TLR4: variants seen among roughly 807,000 people sequenced by gnomAD.
TLR4 encodes the protein toll like receptor 4.
A neutral mutation model predicts 27.4 loss-of-function variants in TLR4; 17 were observed. The observed-to-expected ratio is 0.62, with a 90% CI of 0.42 to 0.93. The LOEUF (loss-of-function observed/expected upper bound fraction) is 0.93. Among genes scored for constraint, TLR4 ranks in the 40% least tolerant of loss-of-function variants. TLR4 has a pLI of 0.00. For missense variants in TLR4, 926 were observed against 962.3 expected, an observed-to-expected ratio of 0.96 and a Z score of 0.50; for synonymous variants, 363 against 365.7, an observed-to-expected ratio of 0.99 and a Z score of 0.08.
intron 2 of TLR4, 52 bp downstream of exon 2, chr9:117,708,781 T>C (rs542241853): frequency 1.2e-6 from 2 of 1,606,642 alleles, no homozygotes; most frequent in East Asian, 4.5e-5. Flanking sequence ...CATTGTCCTG[T>C]CATTTCATTA....
chr9:117,704,665 AGTT>A, intron 1 of TLR4, 100 bp downstream of exon 1: 11 of 975,670 alleles, frequency 1.1e-5, no homozygotes, highest in Non-Finnish European at 1.4e-5. Context: ...AAAAAAAAAG[AGTT>A]AAATTACCTT....
chr9:117,714,620 G>A lies in TLR4; in HGVS notation c.2492G>A (p.Cys831Tyr). 1.9e-6 allele frequency: 3 copies of A among 1,613,324 alleles called. No individual in the cohort carries two copies. Among genetic ancestry groups the A allele is most frequent in the South Asian group, 1.1e-5 (1 of 91,044 alleles). Reference protein sequence around the residue: ...WNPEGTVGTGCNWQEATSI With the variant: ...WNPEGTVGTGYNWQEATSI ...CCAGAAGGAACAGTGGGTACAGGAT[G>A]CAATTGGCAGGAAGCAACATCTATC... Residue 831 changes from cysteine to tyrosine, a missense_variant, in exon 3 of 3, where the codon TGC becomes TAC. Cys to Tyr is a radical substitution (Grantham distance 194). Transcript: ENST00000355622.
chr9:117,711,971 A>G (rs1472046190), intron 2 of TLR4, among the ~76,000 whole-genome samples: 1 of 152,088 alleles, frequency 6.6e-6, no homozygotes, highest in African/African-American at 2.4e-5. Flanking sequence ...TTGGCTACCA[A>G]CTAACAACTA....
At chr9:117,705,449 A>T (rs1829120895) in intron 1 of TLR4, among the ~76,000 whole-genome samples, 1 of 152,172 alleles carries the variant, frequency 6.6e-6, no homozygotes, top group Non-Finnish European at 1.5e-5. Flanking sequence ...CCTTCCCTCA[A>T]TTCCCTGCCC....
Position 117,712,279 on chromosome 9 carries a change from A to T in TLR4, c.261-110A>T. ...TTGATGTCTTTGCCTATGCACAATCATATGACCCATCACATCTGTATGAAG... is the reference window on the plus strand; with the variant it reads ...TTGATGTCTTTGCCTATGCACAATCTTATGACCCATCACATCTGTATGAAG... On this transcript the variant is annotated intron_variant, in intron 2 of 2. Coordinates refer to ENST00000355622, the MANE Select transcript of TLR4 (RefSeq NM_138554.5). 3 of 1,107,258 alleles carry T rather than the reference A, an allele frequency of 2.7e-6. No homozygotes were observed. In the South Asian group the frequency reaches 4.1e-5, roughly 15 times the overall value. The allele number at this position is 1,107,258 out of a possible 1,614,324, so 68.6% of individuals were successfully genotyped here.
At chr9:117,711,856 A>C (rs1348955716) in intron 2 of TLR4, among the ~76,000 whole-genome samples, 1 of 152,180 alleles carries the variant, frequency 6.6e-6, no homozygotes, top group Non-Finnish European at 1.5e-5. Context: ...GAACTTTCAA[A>C]TATCTAGCTG....
chr9:117,708,149 G>A (rs767001706), intron 1 of TLR4: 1 of 992,578 alleles, frequency 1.0e-6, no homozygotes, highest in Non-Finnish European at 1.2e-6. Flanking sequence ...ATAAAATGAG[G>A]CTCACTGAGG....
intron 1 of TLR4, 95 bp downstream of exon 1, chr9:117,704,660 A>T: frequency 9.3e-7 from 1 of 1,078,618 alleles, no homozygotes; most frequent in Admixed American, 2.0e-5. Context: ...GCAAAAAAAA[A>T]AAAGAGTTAA....
chr9:117,714,240 G>A lies in TLR4; in HGVS notation c.2112G>A (p.Gln704=), dbSNP rs201223342. ...KNLEEGVPPF[Q]LCLHYRDFIP... is the part of the protein sequence containing the mutation. ...TAGAAGAAGGGGTGCCTCCATTTCAGCTCTGCCTTCACTACAGAGACTTTA... is the reference window on the plus strand; with the variant it reads ...TAGAAGAAGGGGTGCCTCCATTTCAACTCTGCCTTCACTACAGAGACTTTA... The change falls in exon 3 of 3, where the codon CAG becomes CAA. Residue 704 remains glutamine (Q), a synonymous_variant. Coordinates refer to ENST00000355622, the MANE Select transcript of TLR4 (RefSeq NM_138554.5). The A allele has an allele frequency of 8.7e-6, 14 of 1,604,202 alleles. No homozygotes were observed. Among genetic ancestry groups the A allele is most frequent in the Non-Finnish European group, 1.2e-5 (14 of 1,172,134 alleles).
In TLR4 at chr9:117,713,815, G is replaced by C; in HGVS notation, c.1687G>C (p.Glu563Gln). 4 of 1,613,864 alleles carry C rather than the reference G, an allele frequency of 2.5e-6. No individual in the cohort carries two copies. The highest frequency in any genetic ancestry group is 3.4e-6 in the Non-Finnish European group (4 of 1,180,000). Residue 563 changes from glutamate (E) to glutamine (Q), a missense_variant, in exon 3 of 3, where the codon GAA becomes CAA. Physicochemically the swap from Glu to Gln is conservative, Grantham distance 29. Transcript: ENST00000355622. ...LNHIMTSKKQ[E>Q]LQHFPSSLAF... ...TCACATAATGACTTCCAAAAAACAGGAACTACAGCATTTTCCAAGTAGTCT... is the reference window on the plus strand; with the variant it reads ...TCACATAATGACTTCCAAAAAACAGCAACTACAGCATTTTCCAAGTAGTCT...
At chr9:117,704,650 G>T (rs1180915184) in intron 1 of TLR4, 85 bp downstream of exon 1, 3 of 1,057,740 alleles carry the variant, frequency 2.8e-6, no homozygotes, top group Admixed American at 3.0e-5. Context: ...GTTTATTTTT[G>T]CAAAAAAAAA....
Position 117,714,841 on chromosome 9 carries a change from T to C in TLR4, c.*193T>C, listed in dbSNP as rs981497533. ...AGAGGGAATAAATGCTAGACTAAAA[T>C]ACAGAGTCTTCCAGGTGGGCATTTC... On this transcript the variant is annotated 3_prime_UTR_variant, in exon 3 of 3. Transcript: ENST00000355622. The C allele has an allele frequency of 3.2e-6, 2 of 618,356 alleles. No homozygotes were observed. The highest frequency in any genetic ancestry group is 5.7e-6 in the Non-Finnish European group (2 of 350,044). 38.3% of individuals were successfully genotyped at this position (618,356 alleles called of 1,614,324 possible). A position where few individuals can be genotyped will look rare whatever the true frequency, so the allele number is the denominator to read the frequency against.
rs772139590 is a variant in TLR4 at position 117,713,234 on chromosome 9, A to T, written c.1106A>T (p.Glu369Val). 6.2e-7 allele frequency: 1 copy of T among 1,614,044 alleles called. No homozygotes were observed. The highest frequency in any genetic ancestry group is 1.1e-5 in the South Asian group (1 of 91,086). Residue 369 changes from glutamate to valine, a missense_variant, in exon 3 of 3, where the codon GAA becomes GTA. Coordinates refer to ENST00000355622, the MANE Select transcript of TLR4 (RefSeq NM_138554.5). ...AACAAAGGTGGGAATGCTTTTTCAG[A>T]AGTTGATCTACCAAGCCTTGAGTTT... ...TSNKGGNAFS[E>V]VDLPSLEFLD... is the part of the protein sequence containing the mutation.
At position 117,713,997 on chromosome 9, in the gene TLR4, G is replaced by C; in HGVS notation, c.1869G>C (p.Leu623Phe). The change falls in exon 3 of 3, where the codon TTG becomes TTC. Residue 623 changes from leucine to phenylalanine, a missense_variant. Transcript: ENST00000355622. Reference sequence around the variant, plus strand: ...AGCAGGGCATGCCTGTGCTGAGTTTGAATATCACCTGTCAGATGAATAAGA... The same window carrying C: ...AGCAGGGCATGCCTGTGCTGAGTTTCAATATCACCTGTCAGATGAATAAGA... Reference protein sequence around the residue: ...SDKQGMPVLSLNITCQMNKTI... With the variant: ...SDKQGMPVLSFNITCQMNKTI... 1 of 1,613,960 alleles carries C rather than the reference G, an allele frequency of 6.2e-7. No homozygotes were observed. The highest frequency in any genetic ancestry group is 1.3e-5 in the African/African-American group (1 of 75,056).
intron 2 of TLR4, among the ~76,000 whole-genome samples, chr9:117,710,499 C>G (rs550837511): frequency 6.7e-6 from 1 of 149,978 alleles, no homozygotes; most frequent in Non-Finnish European, 1.5e-5. Context: ...AACAATGTCT[C>G]TTATGTAATT....
intron 1 of TLR4, among the ~76,000 whole-genome samples, chr9:117,704,973 A>G (rs1202357742): frequency 6.6e-6 from 1 of 152,198 alleles, no homozygotes. Context: ...AGCTTCAAGC[A>G]GTCACCCTGC....
rs1221847770 is a variant in TLR4, at chr9:117,718,451, A to C, written c.*3803A>C. 1 of 152,124 alleles carries C rather than the reference A, an allele frequency of 6.6e-6. No homozygotes were observed. The highest frequency in any genetic ancestry group is 1.5e-5 in the Non-Finnish European group (1 of 68,028). The allele number at this position is 152,124 out of a possible 1,614,324, so 9.4% of individuals were successfully genotyped here. A position where few individuals can be genotyped will look rare whatever the true frequency, so the allele number is the denominator to read the frequency against. On this transcript the variant is annotated 3_prime_UTR_variant, in exon 3 of 3. Transcript: ENST00000355622. ...AGGAGCTTCAAACAAAGGATATGTG[A>C]ACAATAGGGTTAATCAATAATAAGT...
Position 117,712,801 on chromosome 9 carries a change from G to T in TLR4, c.673G>T (p.Glu225Ter). The change falls in exon 3 of 3, where the codon GAA (glutamate) becomes TAA (stop). Residue 225 changes from glutamate (E) to a stop codon, truncating the protein, a stop_gained. Coordinates refer to ENST00000355622, the MANE Select transcript of TLR4 (RefSeq NM_138554.5). LOFTEE classifies it low-confidence loss of function (END_TRUNC). ...MNFIQPGAFK[E>*]IRLHKLTLRN... ...CTTTATCCAACCAGGTGCATTTAAA[G>T]AAATTAGGCTTCATAAGCTGACTTT... 6.2e-7 allele frequency: 1 copy of T among 1,613,986 alleles called. No individual in the cohort carries two copies. The highest frequency in any genetic ancestry group is 8.5e-7 in the Non-Finnish European group (1 of 1,179,998).
chr9:117,707,108 C>T (rs536789170), intron 1 of TLR4, among the ~76,000 whole-genome samples: 2 of 152,226 alleles, frequency 1.3e-5, no homozygotes, highest in Admixed American at 1.3e-4. Flanking sequence ...ACGATGAGAA[C>T]AATCAGATAG....
Sources: allele counts gnomAD v4.1 joint callset (sites outside exome capture counted in the v4.1 genomes callset), GRCh38; gene constraint gnomAD v4.1.1; transcripts MANE v1.5; gene names NCBI Gene and HGNC (gene_info 2026-07-23, HGNC 2026-07-21).